FAT1: variants seen among roughly 807,000 people sequenced by gnomAD.
FAT1 encodes the protein protocadherin Fat 1.
In FAT1, 171 loss-of-function variants were observed where a neutral mutation model predicts 329.8. That is an observed-to-expected ratio of 0.52 (90% CI 0.46 to 0.59). The LOEUF is 0.59. Among genes scored for constraint, FAT1 ranks in the 20% least tolerant of loss-of-function variants. The pLI, the probability that FAT1 is intolerant of heterozygous loss-of-function variation, is 0.00. For missense variants in FAT1, 5,672 were observed against 5,774.4 expected, an observed-to-expected ratio of 0.98 and a Z score of 0.57; for synonymous variants, 2,233 against 2,228.6, an observed-to-expected ratio of 1.00 and a Z score of -0.06.
At chr4:186,631,267 T>C (rs1579355406) in intron 7 of FAT1, among the ~76,000 whole-genome samples, 2 of 152,098 alleles carry the variant, frequency 1.3e-5, no homozygotes, top group South Asian at 2.1e-4. Context: ...AGTATCCTAG[T>C]GTCTCATCTC....
At chr4:186,723,267 C>G (rs888824822) in intron 1 of FAT1, among the ~76,000 whole-genome samples, 1 of 152,244 alleles carries the variant, frequency 6.6e-6, no homozygotes, top group African/African-American at 2.4e-5. Context: ...ACCCAGGGAC[C>G]CGGCAGCCCC....
At chr4:186,683,107 G>C (rs577779621) in intron 2 of FAT1, among the ~76,000 whole-genome samples, 101 of 152,222 alleles carry the variant, frequency 6.6e-4, no homozygotes, top group African/African-American at 2.4e-3. Context: ...GTGTTTCAGG[G>C]CTATTATTCC....
In FAT1 at chr4:186,597,996, C is replaced by A; in HGVS notation, c.12233G>T (p.Cys4078Phe). Residue 4078 changes from cysteine to phenylalanine, a missense_variant, in exon 23 of 27, where the codon TGT becomes TTT. By Grantham distance (205) the Cys-to-Phe change is radical. This residue lies in a region of FAT1 where 1,706 missense variants were observed against 1,859.1 expected (regional missense o/e 0.92). Transcript: ENST00000441802. ...VVDNGGFVCQ[C>F]RGLYTGQRCQ... Reference sequence around the variant, plus strand: ...CCTCTGACCAGTATATAATCCTCTACACTGGCAAACAAAGCCTCCGTTGTC... The same window carrying A: ...CCTCTGACCAGTATATAATCCTCTAAACTGGCAAACAAAGCCTCCGTTGTC... 1 of 1,613,008 alleles carries A rather than the reference C, an allele frequency of 6.2e-7. No homozygotes were observed. Among genetic ancestry groups the A allele is most frequent in the African/African-American group, 1.3e-5 (1 of 74,984 alleles).
chr4:186,710,713 A>C (rs1016243520), intron 1 of FAT1, among the ~76,000 whole-genome samples: 1 of 152,020 alleles, frequency 6.6e-6, no homozygotes, highest in Admixed American at 6.6e-5. Context: ...GCATCGAACA[A>C]CCTGTCACCC....
rs1180513774 is a variant in FAT1, at chr4:186,613,137, T to C, written c.9435A>G (p.Thr3145=). Residue 3145 remains threonine, a synonymous_variant, in exon 13 of 27, where the codon ACA becomes ACG. Transcript: ENST00000441802. ...CGTCGGCATCTGTGGCCTGCACTCTTGTCAGCAGCGTTCCCGGCTCTGTGT... is the reference window on the plus strand; with the variant it reads ...CGTCGGCATCTGTGGCCTGCACTCTCGTCAGCAGCGTTCCCGGCTCTGTGT... ...FENTEPGTLL[T]RVQATDADAG... The C allele has an allele frequency of 1.9e-6, 3 of 1,612,672 alleles. No individual in the cohort carries two copies. Among genetic ancestry groups the C allele is most frequent in the Non-Finnish European group, 2.5e-6 (3 of 1,179,796 alleles).
chr4:186,662,024 C>G (rs1742198958), intron 3 of FAT1, among the ~76,000 whole-genome samples: 1 of 148,582 alleles, frequency 6.7e-6, no homozygotes, highest in Non-Finnish European at 1.5e-5. Context: ...GCCCCCCGGC[C>G]AGCCCCCCAA....
chr4:186,599,290 T>A (rs1440733382), intron 22 of FAT1, among the ~76,000 whole-genome samples: 1 of 152,166 alleles, frequency 6.6e-6, no homozygotes, highest in Non-Finnish European at 1.5e-5. Context: ...TTATTTTTGC[T>A]CTGTTCATTA....
rs559343059 is a variant in FAT1 at position 186,588,631 on chromosome 4, C to T, written c.13728G>A (p.Thr4576=). ...GCTGCTGGGAATCCAGGGGCGGGAT[C>T]GTCACCTCTTCGAAGTGGCCGTCGT... ...SGDDGHFEEV[T]IPPLDSQQHT... is the part of the protein sequence containing the mutation. The change falls in exon 27 of 27, where the codon ACG becomes ACA. Residue 4576 remains threonine (T), a synonymous_variant. Transcript: ENST00000441802. 1.2e-5 allele frequency: 19 copies of T among 1,613,398 alleles called. No homozygotes were observed. Among genetic ancestry groups the T allele is most frequent in the African/African-American group, 9.3e-5 (7 of 75,038 alleles).
At chr4:186,634,259 A>G (rs946067220) in intron 6 of FAT1, among the ~76,000 whole-genome samples, 2 of 152,242 alleles carry the variant, frequency 1.3e-5, no homozygotes, top group Admixed American at 6.5e-5. Context: ...TTAACTCTAA[A>G]AAAAATAGCG....
chr4:186,632,093 A>G (rs969592801), intron 7 of FAT1, among the ~76,000 whole-genome samples: 1 of 152,246 alleles, frequency 6.6e-6, no homozygotes, highest in Non-Finnish European at 1.5e-5. Context: ...AGAAGTATAA[A>G]GGAAGCAATG....
chr4:186,689,847 G>A (rs1025938893), intron 2 of FAT1, among the ~76,000 whole-genome samples: 1 of 152,120 alleles, frequency 6.6e-6, no homozygotes, highest in African/African-American at 2.4e-5. Flanking sequence ...CTTTGTTGGT[G>A]GTGATCTCTT....
chr4:186,694,420 T>C (rs1743931075), intron 2 of FAT1, among the ~76,000 whole-genome samples: 1 of 152,154 alleles, frequency 6.6e-6, no homozygotes. Flanking sequence ...TTTATATGAG[T>C]GGAAGGTTTA....
chr4:186,611,800 A>C (rs2126470695), intron 13 of FAT1, 25 bp from the exon 14 acceptor site: 1 of 1,507,124 alleles, frequency 6.6e-7, no homozygotes, highest in Non-Finnish European at 8.9e-7. Flanking sequence ...AAACATGTCA[A>C]AAGATTTTAA....
intron 3 of FAT1, among the ~76,000 whole-genome samples, chr4:186,662,254 A>G (rs954740585): frequency 2.0e-5 from 3 of 151,298 alleles, no homozygotes; most frequent in African/African-American, 7.2e-5. Context: ...TATACCTCTG[A>G]CTTTTCTCTT....
intron 5 of FAT1, 115 bp from the exon 6 acceptor site, chr4:186,636,350 T>A (rs1042138493): frequency 2.0e-6 from 2 of 999,660 alleles, no homozygotes; most frequent in African/African-American, 1.6e-5. Flanking sequence ...ACATTTCACA[T>A]TTGTATTCTG....
intron 1 of FAT1, among the ~76,000 whole-genome samples, chr4:186,721,388 T>C (rs1232050217): frequency 6.6e-6 from 1 of 152,230 alleles, no homozygotes; most frequent in African/African-American, 2.4e-5. Flanking sequence ...CAAAAACTCT[T>C]CTCCAGTGTC....
chr4:186,638,946 T>A (rs1740970141), intron 4 of FAT1, among the ~76,000 whole-genome samples: 1 of 149,834 alleles, frequency 6.7e-6, no homozygotes, highest in Non-Finnish European at 1.5e-5. Context: ...TCTCAGCCGC[T>A]TCCTGACGAC....
chr4:186,717,164 A>C (rs1007244693), intron 1 of FAT1, among the ~76,000 whole-genome samples: 4 of 152,036 alleles, frequency 2.6e-5, no homozygotes, highest in South Asian at 4.2e-4. Flanking sequence ...GAAAAAAAAA[A>C]CTCTCTATTT....
At chr4:186,688,971 A>T (rs1293903108) in intron 2 of FAT1, among the ~76,000 whole-genome samples, 1 of 152,252 alleles carries the variant, frequency 6.6e-6, no homozygotes, top group Admixed American at 6.5e-5. Flanking sequence ...TGACCTTTTT[A>T]ACTCTGAAAA....
Sources: allele counts gnomAD v4.1 joint callset (sites outside exome capture counted in the v4.1 genomes callset), GRCh38; gene constraint gnomAD v4.1.1; regional missense constraint gnomAD v4.1.1; transcripts MANE v1.5; gene names NCBI Gene and HGNC (gene_info 2026-07-23, HGNC 2026-07-21).